NXPH1: variants seen among roughly 807,000 people sequenced by gnomAD.
NXPH1 encodes the protein neurexophilin 1, also known as neurexophilin-1.
Under a neutral mutation model 23.7 loss-of-function variants are expected in NXPH1, and 5 were observed. That is an observed-to-expected ratio of 0.21 (90% confidence interval 0.11 to 0.44). The LOEUF (loss-of-function observed/expected upper bound fraction) is 0.44. Among genes scored for constraint, NXPH1 ranks in the 20% least tolerant of loss-of-function variants. The pLI is 0.99. For missense variants in NXPH1, 324 were observed against 321.6 expected (o/e 1.01, Z -0.06); for synonymous variants, 144 against 122.2 (o/e 1.18, Z -1.18).
At chr7:8,711,470 G>C (rs1416057480) in intron 2 of NXPH1, among the ~76,000 whole-genome samples, 2 of 152,154 alleles carry the variant, frequency 1.3e-5, no homozygotes, top group African/African-American at 4.8e-5. Context: ...CTCATAATCT[G>C]GTTTGGAAAC....
chr7:8,531,628 G>C (rs1260311011), intron 2 of NXPH1, among the ~76,000 whole-genome samples: 1 of 152,158 alleles, frequency 6.6e-6, no homozygotes, highest in Non-Finnish European at 1.5e-5. Flanking sequence ...ACTGGAATGT[G>C]ACATCTATAA....
intron 2 of NXPH1, among the ~76,000 whole-genome samples, chr7:8,532,068 A>G (rs920103260): frequency 6.6e-6 from 1 of 152,192 alleles, no homozygotes; most frequent in Non-Finnish European, 1.5e-5. Context: ...TCCATAAAAA[A>G]TTAACAGCCA....
intron 2 of NXPH1, among the ~76,000 whole-genome samples, chr7:8,749,017 G>T (rs888977394): frequency 9.2e-5 from 14 of 152,128 alleles, no homozygotes; most frequent in Non-Finnish European, 1.9e-4. Flanking sequence ...GATGACGAAG[G>T]TTCTCTGCAT....
At chr7:8,593,602 A>G (rs1819151592) in intron 2 of NXPH1, among the ~76,000 whole-genome samples, 1 of 152,066 alleles carries the variant, frequency 6.6e-6, no homozygotes, top group Admixed American at 6.6e-5. Context: ...TTCAAAATCT[A>G]AATAAAATGA....
chr7:8,504,234 T>G (rs1386614510), intron 2 of NXPH1, among the ~76,000 whole-genome samples: 1 of 152,002 alleles, frequency 6.6e-6, no homozygotes, highest in African/African-American at 2.4e-5. Flanking sequence ...CTTCTTAGGA[T>G]AGCAGTACTA....
At chr7:8,610,579 G>A (rs1198304400) in intron 2 of NXPH1, among the ~76,000 whole-genome samples, 1 of 152,046 alleles carries the variant, frequency 6.6e-6, no homozygotes, top group Non-Finnish European at 1.5e-5. Flanking sequence ...ATTTTAGAAA[G>A]GGGAGAGAAA....
chr7:8,644,180 T>C (rs914583142), intron 2 of NXPH1, among the ~76,000 whole-genome samples: 3 of 152,238 alleles, frequency 2.0e-5, no homozygotes, highest in Non-Finnish European at 4.4e-5. Flanking sequence ...TTTTCTTTCT[T>C]TGGAAAGTAA....
intron 2 of NXPH1, among the ~76,000 whole-genome samples, chr7:8,588,006 A>G (rs932774255): frequency 2.0e-5 from 3 of 152,214 alleles, no homozygotes; most frequent in African/African-American, 7.2e-5. Flanking sequence ...AAAGCTCATC[A>G]TCACTGGTCA....
rs148300693 is a variant in NXPH1 at position 8,498,967 on chromosome 7, T to C, written c.54+63200T>C. ...TCATATATTTTATGTAACATTTGAG[T>C]ATAAAGTTTGGTATTTGACATTCCA... On this transcript the variant is annotated intron_variant, in intron 2 of 2. Coordinates refer to ENST00000405863, the MANE Select transcript of NXPH1 (RefSeq NM_152745.3). Among the ~76,000 whole-genome samples the C allele has an allele frequency of 2.0e-5, 3 of 152,138 alleles. No homozygotes were observed. The East Asian group carries it at 5.8e-4, about 30-fold the overall frequency.
chr7:8,640,440 A>C (rs1820288204), intron 2 of NXPH1, among the ~76,000 whole-genome samples: 1 of 151,364 alleles, frequency 6.6e-6, no homozygotes, highest in Non-Finnish European at 1.5e-5. Flanking sequence ...TATTAAATAT[A>C]TATATAGTTT....
chr7:8,508,133 A>G (rs879760045), intron 2 of NXPH1, among the ~76,000 whole-genome samples: 2 of 152,124 alleles, frequency 1.3e-5, no homozygotes, highest in African/African-American at 2.4e-5. Context: ...CAGTGGAACA[A>G]TACTCAGATA....
chr7:8,731,932 C>T (rs1447139073), intron 2 of NXPH1, among the ~76,000 whole-genome samples: 2 of 152,210 alleles, frequency 1.3e-5, no homozygotes, highest in Admixed American at 6.5e-5. Context: ...GGGCGCCCCT[C>T]CCCCGGCCTT....
At chr7:8,521,590 G>C (rs1298607207) in intron 2 of NXPH1, among the ~76,000 whole-genome samples, 2 of 152,170 alleles carry the variant, frequency 1.3e-5, no homozygotes, top group African/African-American at 4.8e-5. Flanking sequence ...GTTGTTGAAT[G>C]ATGGAGAGAC....
intron 2 of NXPH1, among the ~76,000 whole-genome samples, chr7:8,633,032 A>G (rs1320575808): frequency 1.3e-5 from 2 of 152,240 alleles, no homozygotes; most frequent in African/African-American, 4.8e-5. Context: ...TACTTCATGA[A>G]ATTTTACAAA....
At chr7:8,571,058 AATCTAATCTAATCT>A (rs1818637437) in intron 2 of NXPH1, among the ~76,000 whole-genome samples, 1 of 150,824 alleles carries the variant, frequency 6.6e-6, no homozygotes, top group South Asian at 2.1e-4. Flanking sequence ...AATCTAATCT[AATCTAATCTAATCT>A]AATCTAACTC....
At chr7:8,519,221 A>G (rs564013328) in intron 2 of NXPH1, among the ~76,000 whole-genome samples, 4 of 152,186 alleles carry the variant, frequency 2.6e-5, no homozygotes, top group African/African-American at 9.7e-5. Context: ...AAATAAATGA[A>G]TGGTGTAAAA....
intron 2 of NXPH1, among the ~76,000 whole-genome samples, chr7:8,551,761 A>G (rs1031007928): frequency 9.2e-5 from 14 of 151,440 alleles, no homozygotes; most frequent in African/African-American, 3.1e-4. Context: ...AGTGCATTAT[A>G]ACGACTTTGA....
chr7:8,597,023 A>AGCAC lies in NXPH1; in HGVS notation c.55-153984_55-153981dup, dbSNP rs553974229. On this transcript the variant is annotated intron_variant, in intron 2 of 2. Coordinates refer to ENST00000405863, the MANE Select transcript of NXPH1 (RefSeq NM_152745.3). ...TACAGAGTCAGTGACACCTTGGTAA[A>AGCAC]GCACTGAGGATAAAGAGAGCCCTTC... Among the ~76,000 whole-genome samples the AGCAC allele has an allele frequency of 3.2e-4, 48 of 152,226 alleles. No homozygotes were observed. The East Asian group carries it at 8.9e-3, about 28-fold the overall frequency.
intron 2 of NXPH1, among the ~76,000 whole-genome samples, chr7:8,655,502 G>A (rs74730793): frequency 0.15 from 1,729 of 11,674 alleles, 53 homozygotes; most frequent in African/African-American, 0.26. Context: ...TCCATCACAC[G>A]CACACACACA....
Sources: allele counts gnomAD v4.1 joint callset (sites outside exome capture counted in the v4.1 genomes callset), GRCh38; gene constraint gnomAD v4.1.1; transcripts MANE v1.5; gene names NCBI Gene and HGNC (gene_info 2026-07-23, HGNC 2026-07-21).